The following MAN1A2 variants were observed in gnomAD, a reference collection of about 807,000 sequenced individuals.
MAN1A2 encodes mannosyl-oligosaccharide 1,2-alpha-mannosidase IB.
Under a neutral mutation model 75.7 loss-of-function variants are expected in MAN1A2, and 26 were observed. That is an observed-to-expected ratio of 0.34 (90% CI 0.25 to 0.48). MAN1A2 has a LOEUF of 0.48. Among genes scored for constraint, MAN1A2 ranks in the 20% least tolerant of loss-of-function variants. The probability of loss-of-function intolerance (pLI) is 0.99; values close to 1 mark genes in which losing one functional copy is unlikely to be tolerated. For synonymous variants in MAN1A2, 247 were observed against 264.6 expected (o/e 0.93, Z 0.65); for missense variants, 562 against 775.5 (o/e 0.72, Z 3.27).
chr1:117,514,443 A>C (rs1039121476), intron 12 of MAN1A2, among the ~76,000 whole-genome samples: 2 of 151,900 alleles, frequency 1.3e-5, no homozygotes, highest in Non-Finnish European at 2.9e-5. Flanking sequence ...ATTATCCAGA[A>C]TAGGTATTGG....
At chr1:117,436,695 C>T (rs1172903377) in intron 5 of MAN1A2, among the ~76,000 whole-genome samples, 1 of 152,190 alleles carries the variant, frequency 6.6e-6, no homozygotes, top group East Asian at 1.9e-4. Context: ...GCTGAGTGTT[C>T]TCCTATAATG....
chr1:117,444,782 G>A (rs1649157982), intron 6 of MAN1A2, among the ~76,000 whole-genome samples: 1 of 151,854 alleles, frequency 6.6e-6, no homozygotes, highest in Non-Finnish European at 1.5e-5. Context: ...CTACTCTTCT[G>A]TTGGTCTGTT....
At chr1:117,477,821 A>G (rs1445444021) in intron 8 of MAN1A2, among the ~76,000 whole-genome samples, 1 of 152,048 alleles carries the variant, frequency 6.6e-6, no homozygotes, top group African/African-American at 2.4e-5. Context: ...AGGGCATTCA[A>G]ATAGGAAGAG....
intron 7 of MAN1A2, 94 bp downstream of exon 7, chr1:117,460,706 T>C: frequency 2.1e-6 from 3 of 1,400,876 alleles, no homozygotes; most frequent in Non-Finnish European, 2.8e-6. Flanking sequence ...TTTGCCTTTC[T>C]AGATATATGT....
In MAN1A2 at chr1:117,420,307, A is replaced by T. The variant is rs1289944; in HGVS notation, c.775-262A>T. Among the ~76,000 whole-genome samples, 26,343 of 151,940 alleles carry T rather than the reference A, an allele frequency of 0.17. 2,901 individuals carry two copies. Among genetic ancestry groups the T allele is most frequent in the African/African-American group, 0.29 (12,010 of 41,432 alleles). On this transcript the variant is annotated intron_variant, in intron 4 of 12. Transcript: ENST00000356554. Reference sequence around the variant, plus strand: ...ATAGTTAACAGTGTTAAATATCCTGATAAGTTCACAGTACTGTGTAAGGTA... The same window carrying T: ...ATAGTTAACAGTGTTAAATATCCTGTTAAGTTCACAGTACTGTGTAAGGTA...
intron 8 of MAN1A2, among the ~76,000 whole-genome samples, chr1:117,489,676 G>A (rs1210624153): frequency 3.3e-5 from 5 of 151,670 alleles, no homozygotes. Context: ...TTTGTATTTC[G>A]CTTAAGATCA....
chr1:117,465,078 A>G (rs1649941460), intron 7 of MAN1A2, among the ~76,000 whole-genome samples: 1 of 152,186 alleles, frequency 6.6e-6, no homozygotes, highest in East Asian at 1.9e-4. Context: ...ACAAGAGCTC[A>G]GAGACAATAA....
intron 6 of MAN1A2, among the ~76,000 whole-genome samples, chr1:117,458,498 T>TATATATAG (rs777077085): frequency 0.1 from 9,256 of 89,308 alleles, 529 homozygotes; most frequent in Middle Eastern, 0.18. Context: ...TATATATATC[T>TATATATAG]ATATATATAT....
At chr1:117,433,031 GTAAT>G (rs1202953681) in intron 5 of MAN1A2, among the ~76,000 whole-genome samples, 2 of 151,080 alleles carry the variant, frequency 1.3e-5, no homozygotes, top group Non-Finnish European at 3.0e-5. Context: ...AGCAGTTAAT[GTAAT>G]TAATCATATT....
At chr1:117,502,081 A>T (rs973906360) in intron 11 of MAN1A2, among the ~76,000 whole-genome samples, 1 of 151,730 alleles carries the variant, frequency 6.6e-6, no homozygotes, top group Non-Finnish European at 1.5e-5. Context: ...AAGAGTAAGA[A>T]TTTTAACTCT....
At chr1:117,444,923 A>G (rs1400090235) in intron 6 of MAN1A2, among the ~76,000 whole-genome samples, 1 of 152,162 alleles carries the variant, frequency 6.6e-6, no homozygotes, top group Non-Finnish European at 1.5e-5. Flanking sequence ...CGAGATTTCC[A>G]TAAAAGCTTT....
At chr1:117,407,786 C>G (rs1007321227) in intron 3 of MAN1A2, among the ~76,000 whole-genome samples, 3 of 152,096 alleles carry the variant, frequency 2.0e-5, no homozygotes, top group Non-Finnish European at 2.9e-5. Context: ...TTTATCTTTT[C>G]TGTTTTCCTG....
At chr1:117,377,033 G>A (rs1034635942) in intron 1 of MAN1A2, among the ~76,000 whole-genome samples, 15 of 152,092 alleles carry the variant, frequency 9.9e-5, no homozygotes, top group Non-Finnish European at 1.9e-4. Flanking sequence ...ATTCCTCATG[G>A]ATATCAAGGA....
At chr1:117,492,997 C>T (rs1650928924) in intron 8 of MAN1A2, 150 bp from the exon 9 acceptor site, 4 of 573,794 alleles carry the variant, frequency 7.0e-6, no homozygotes, top group Admixed American at 3.1e-5. Flanking sequence ...ACTTCTGGGA[C>T]TAAATTTGAA....
chr1:117,434,584 G>C (rs1381075371), intron 5 of MAN1A2, among the ~76,000 whole-genome samples: 3 of 152,116 alleles, frequency 2.0e-5, no homozygotes, highest in Non-Finnish European at 4.4e-5. Context: ...ATTTGAAAAA[G>C]ACCTGAATAT....
chr1:117,440,867 C>T (rs1488703676), intron 5 of MAN1A2, among the ~76,000 whole-genome samples: 1 of 151,930 alleles, frequency 6.6e-6, no homozygotes, highest in Non-Finnish European at 1.5e-5. Context: ...TAAACAGAAG[C>T]AATACTGTTT....
At chr1:117,372,127 T>G (rs1030346840) in intron 1 of MAN1A2, among the ~76,000 whole-genome samples, 1 of 152,102 alleles carries the variant, frequency 6.6e-6, no homozygotes, top group Non-Finnish European at 1.5e-5. Context: ...CATTTTAAAT[T>G]AAAAAAATTA....
intron 5 of MAN1A2, among the ~76,000 whole-genome samples, chr1:117,422,011 G>A (rs1450947948): frequency 6.6e-6 from 1 of 151,976 alleles, no homozygotes. Context: ...ACTCTGACCT[G>A]GCTTATAGGA....
chr1:117,421,721 G>T (rs1358165383), intron 5 of MAN1A2, among the ~76,000 whole-genome samples: 4 of 151,116 alleles, frequency 2.6e-5, no homozygotes, highest in Non-Finnish European at 3.0e-5. Context: ...AAATTATATT[G>T]TGTGATTTGT....
Sources: gnomAD v4.1 joint callset for allele counts (sites outside exome capture counted in the v4.1 genomes callset) on GRCh38, gnomAD v4.1.1 for gene constraint, MANE v1.5 for transcripts, NCBI Gene and HGNC (gene_info 2026-07-23, HGNC 2026-07-21) for gene names.